RSU1: variants seen among roughly 807,000 people sequenced by gnomAD.
The protein encoded by RSU1 is Ras suppressor protein 1.
In RSU1, 26 loss-of-function variants were observed where a neutral mutation model predicts 31.1. The observed-to-expected ratio is 0.84, with a 90% CI of 0.61 to 1.16. The LOEUF (loss-of-function observed/expected upper bound fraction) is 1.16. Ranked by LOEUF, RSU1 falls within the 50% of genes most tolerant of loss-of-function variation. The pLI is 0.00. For synonymous variants in RSU1, 164 were observed against 136.3 expected (o/e 1.20, Z -1.41); for missense variants, 320 against 339.1 (o/e 0.94, Z 0.44).
At chr10:16,661,751 C>A (rs372606972) in intron 8 of RSU1, among the ~76,000 whole-genome samples, 6 of 152,292 alleles carry the variant, frequency 3.9e-5, no homozygotes, top group East Asian at 3.9e-4. Flanking sequence ...TGCAACCAAA[C>A]CCCAGGCCTA....
At chr10:16,808,838 C>T (rs974991260) in intron 2 of RSU1, among the ~76,000 whole-genome samples, 13 of 152,164 alleles carry the variant, frequency 8.5e-5, no homozygotes, top group African/African-American at 3.1e-4. Context: ...GACCCTATCC[C>T]AATCTGACTA....
At chr10:16,697,795 T>C (rs1297183132) in intron 7 of RSU1, among the ~76,000 whole-genome samples, 1 of 152,150 alleles carries the variant, frequency 6.6e-6, no homozygotes, top group East Asian at 1.9e-4. Flanking sequence ...AAGGGGATTT[T>C]CTAGTTAGTG....
intron 8 of RSU1, among the ~76,000 whole-genome samples, chr10:16,600,751 T>TG (rs903663256): frequency 2.0e-5 from 3 of 152,140 alleles, no homozygotes; most frequent in African/African-American, 4.8e-5. Flanking sequence ...ATTGTAGAGA[T>TG]GGGGTCTCAC....
intron 2 of RSU1, among the ~76,000 whole-genome samples, chr10:16,808,676 T>C (rs1324058309): frequency 6.6e-6 from 1 of 152,060 alleles, no homozygotes; most frequent in Non-Finnish European, 1.5e-5. Flanking sequence ...TCTGTATCAT[T>C]TGAGAACCTC....
chr10:16,736,237 C>T (rs917582595), intron 7 of RSU1, among the ~76,000 whole-genome samples: 4 of 151,968 alleles, frequency 2.6e-5, no homozygotes, highest in Non-Finnish European at 4.4e-5. Context: ...AAAGAAAAAA[C>T]AAAAACTACC....
At chr10:16,697,096 T>C (rs1266759957) in intron 7 of RSU1, among the ~76,000 whole-genome samples, 2 of 152,196 alleles carry the variant, frequency 1.3e-5, no homozygotes, top group African/African-American at 4.8e-5. Context: ...TCGTATTTTA[T>C]GTGCACGATG....
At chr10:16,722,121 A>G (rs1009502159) in intron 7 of RSU1, among the ~76,000 whole-genome samples, 7 of 152,160 alleles carry the variant, frequency 4.6e-5, no homozygotes, top group Non-Finnish European at 7.3e-5. Context: ...CATAGCTTTT[A>G]TTACAGTATA....
chr10:16,631,988 G>T (rs1466085889), intron 8 of RSU1, among the ~76,000 whole-genome samples: 1 of 152,172 alleles, frequency 6.6e-6, no homozygotes, highest in East Asian at 1.9e-4. Flanking sequence ...CTGGAGCTCA[G>T]TGAAATTAGC....
intron 7 of RSU1, among the ~76,000 whole-genome samples, chr10:16,696,139 T>G (rs979091911): frequency 6.6e-6 from 1 of 152,152 alleles, no homozygotes; most frequent in African/African-American, 2.4e-5. Flanking sequence ...TCCCTAAAAG[T>G]CCTACTGAGG....
intron 7 of RSU1, among the ~76,000 whole-genome samples, chr10:16,750,929 G>C (rs576574434): frequency 1.7e-4 from 25 of 148,900 alleles, no homozygotes; most frequent in Admixed American, 6.1e-4. Flanking sequence ...GCAGTGGCAC[G>C]ATCACTGCTC....
chr10:16,712,867 T>C (rs958747239), intron 7 of RSU1, among the ~76,000 whole-genome samples: 1 of 152,174 alleles, frequency 6.6e-6, no homozygotes, highest in Non-Finnish European at 1.5e-5. Context: ...CCTTAAGCAT[T>C]CCTTATAAGG....
chr10:16,618,277 T>C (rs1370414183), intron 8 of RSU1, among the ~76,000 whole-genome samples: 1 of 152,194 alleles, frequency 6.6e-6, no homozygotes, highest in African/African-American at 2.4e-5. Flanking sequence ...CACAATGAGA[T>C]ACCATCTCAG....
intron 7 of RSU1, among the ~76,000 whole-genome samples, chr10:16,709,195 T>A (rs1210484338): frequency 6.0e-5 from 9 of 151,252 alleles, no homozygotes; most frequent in African/African-American, 2.2e-4. Flanking sequence ...CCTTCCCGTG[T>A]CCATGTGTTC....
intron 7 of RSU1, among the ~76,000 whole-genome samples, chr10:16,716,805 G>C (rs1053319579): frequency 1.3e-5 from 2 of 152,088 alleles, no homozygotes; most frequent in Non-Finnish European, 2.9e-5. Flanking sequence ...TATGTAATAG[G>C]AGGAAATGAC....
chr10:16,758,161 G>A (rs986751919), intron 4 of RSU1, among the ~76,000 whole-genome samples: 2 of 126,248 alleles, frequency 1.6e-5, no homozygotes, highest in African/African-American at 8.5e-5. Flanking sequence ...CCACCCTGGC[G>A]GGCAGAAAGA....
In RSU1 at chr10:16,709,454, A is replaced by G. The variant is rs577330227; in HGVS notation, c.599-14299T>C. 4.0e-4 allele frequency among the ~76,000 whole-genome samples: 61 copies of G among 152,276 alleles called. No homozygotes were observed. In the East Asian group the frequency reaches 0.011, roughly 28 times the overall value. On this transcript the variant is annotated intron_variant, in intron 7 of 8. Coordinates refer to ENST00000345264, the MANE Select transcript of RSU1 (RefSeq NM_012425.4). Reference sequence around the variant, plus strand: ...TATTGTGAATAGTGCCGCAATAAACATACGTGTGCATGTGTCTTTATAGCA... The same window carrying G: ...TATTGTGAATAGTGCCGCAATAAACGTACGTGTGCATGTGTCTTTATAGCA...
intron 2 of RSU1, among the ~76,000 whole-genome samples, chr10:16,809,273 T>A (rs1028093352): frequency 3.9e-5 from 6 of 152,208 alleles, no homozygotes; most frequent in African/African-American, 1.4e-4. Flanking sequence ...AGAGGCCACA[T>A]GCAAGGCAGC....
chr10:16,812,173 G>A (rs1300147751), intron 2 of RSU1, among the ~76,000 whole-genome samples: 1 of 152,238 alleles, frequency 6.6e-6, no homozygotes, highest in Non-Finnish European at 1.5e-5. Flanking sequence ...CGGGCACAGT[G>A]GCTCACGCCT....
chr10:16,697,987 C>CTTTTTTTTTTTTTT (rs67816326), intron 7 of RSU1, among the ~76,000 whole-genome samples: 7 of 99,562 alleles, frequency 7.0e-5, no homozygotes, highest in East Asian at 3.3e-4. Context: ...AGGAACACAC[C>CTTTTTTTTTTTTTT]TTTTTTTTTT....
Sources: allele counts gnomAD v4.1 joint callset (sites outside exome capture counted in the v4.1 genomes callset), GRCh38; gene constraint gnomAD v4.1.1; transcripts MANE v1.5; gene names NCBI Gene and HGNC (gene_info 2026-07-23, HGNC 2026-07-21).